The following AMZ1 variants were observed in gnomAD, a reference collection of about 807,000 sequenced individuals.
The protein encoded by AMZ1 is archaemetzincin-1.
In AMZ1, 39 loss-of-function variants were observed where a neutral mutation model predicts 29.9. The observed-to-expected ratio is 1.30, with a 90% CI of 1.01 to 1.70. The LOEUF (loss-of-function observed/expected upper bound fraction) is 1.70. Ranked by LOEUF, AMZ1 falls within the 40% of genes most tolerant of loss-of-function variation. AMZ1 has a pLI of 0.00. For synonymous variants in AMZ1, 458 were observed against 304.0 expected, an observed-to-expected ratio of 1.51 and a Z score of -5.27; for missense variants, 1,041 against 680.6, an observed-to-expected ratio of 1.53 and a Z score of -5.89.
At chr7:2,685,725 C>T (rs1361179950), upstream of AMZ1, among the ~76,000 whole-genome samples, 1 of 151,828 alleles carries the variant, frequency 6.6e-6, no homozygotes, top group African/African-American at 2.4e-5. Context: ...TGATGGCAGG[C>T]GCCTGTAGTC....
chr7:2,735,403 G>T (rs1400138179), intron 4 of AMZ1, among the ~76,000 whole-genome samples: 1 of 152,202 alleles, frequency 6.6e-6, no homozygotes, highest in Non-Finnish European at 1.5e-5. Flanking sequence ...GAGTCACAGT[G>T]GCACAGATGC....
chr7:2,695,835 AC>A (rs1210821133), intron 1 of AMZ1, among the ~76,000 whole-genome samples: 2 of 152,094 alleles, frequency 1.3e-5, no homozygotes, highest in Non-Finnish European at 2.9e-5. Flanking sequence ...ACATGGTGAA[AC>A]CCCGTCTCTA....
At chr7:2,720,320 C>T (rs915504233), downstream of AMZ1, among the ~76,000 whole-genome samples, 4 of 152,212 alleles carry the variant, frequency 2.6e-5, no homozygotes, top group African/African-American at 9.7e-5. Flanking sequence ...TCCATGTCTC[C>T]CCACGTCAGG....
chr7:2,763,193 C>CAG (rs1554258129), upstream of AMZ1: 1 of 93,016 alleles, frequency 1.1e-5, no homozygotes. Context: ...GACACCCCAA[C>CAG]ACACACACAC....
At chr7:2,706,470 A>G (rs547591866) in intron 3 of AMZ1, among the ~76,000 whole-genome samples, 2 of 152,344 alleles carry the variant, frequency 1.3e-5, no homozygotes, top group South Asian at 4.1e-4. Context: ...TTCTTGTCTC[A>G]CATCGCTGGA....
intron 3 of AMZ1, among the ~76,000 whole-genome samples, chr7:2,708,218 T>C (rs34774255): frequency 0.37 from 56,491 of 152,048 alleles, 10,981 homozygotes; most frequent in East Asian, 0.66. Flanking sequence ...CCCCTTTGGC[T>C]GTGGGGACTC....
At position 2,700,511 on chromosome 7, in the gene AMZ1, T is replaced by C. The variant is rs756272986; in HGVS notation, c.60T>C (p.Ala20=). The C allele has an allele frequency of 1.2e-6, 2 of 1,606,916 alleles. No homozygotes were observed. The highest frequency in any genetic ancestry group is 1.7e-6 in the Non-Finnish European group (2 of 1,179,898). ...TCGGGCCCCGGGCCTTGAAGGACGC[T>C]CTGGTCTCCACTGACGCAGCCCTGC... ...FSFGPRALKD[A]LVSTDAALQQ... The change falls in exon 2 of 7, where the codon GCT becomes GCC. Residue 20 remains alanine, a synonymous_variant. Coordinates refer to ENST00000683327, the MANE Select transcript of AMZ1 (RefSeq NM_001384743.1).
At position 2,717,336 on chromosome 7, in the gene AMZ1, C is replaced by T. The variant is rs561539376; in HGVS notation, c.*4458C>T. Among the ~76,000 whole-genome samples the T allele has an allele frequency of 7.2e-5, 11 of 152,360 alleles. No homozygotes were observed. The South Asian group carries it at 2.3e-3, about 32-fold the overall frequency. ...ATAGACCTGAACTGGGTCTGCCTGC[C>T]TGTGTGCTGGAAGCAAACGACGGCC... On this transcript the variant is annotated 3_prime_UTR_variant, in exon 7 of 7. Coordinates refer to ENST00000683327, the MANE Select transcript of AMZ1 (RefSeq NM_001384743.1).
At chr7:2,711,193 G>A (rs967750030) in intron 6 of AMZ1, among the ~76,000 whole-genome samples, 2 of 152,220 alleles carry the variant, frequency 1.3e-5, no homozygotes, top group African/African-American at 4.8e-5. Context: ...GCACTCCAGG[G>A]TGGCCTGGCC....
intron 4 of AMZ1, among the ~76,000 whole-genome samples, chr7:2,743,653 C>G (rs910850662): frequency 6.6e-6 from 1 of 152,120 alleles, no homozygotes; most frequent in Admixed American, 6.6e-5. Context: ...ACTGAGGTAC[C>G]GGGTTCATCT....
At chr7:2,743,433 C>T (rs1312090506) in intron 4 of AMZ1, among the ~76,000 whole-genome samples, 1 of 152,168 alleles carries the variant, frequency 6.6e-6, no homozygotes, top group Non-Finnish European at 1.5e-5. Flanking sequence ...GTTATCAACT[C>T]AAATATCCCA....
chr7:2,749,164 T>C (rs1583231884), intron 4 of AMZ1, among the ~76,000 whole-genome samples: 2 of 151,024 alleles, frequency 1.3e-5, no homozygotes, highest in South Asian at 2.1e-4. Flanking sequence ...TTACTGGGTA[T>C]ATACCCAAAG....
upstream of AMZ1, among the ~76,000 whole-genome samples, chr7:2,688,013 C>T (rs1188406943): frequency 6.6e-6 from 1 of 152,216 alleles, no homozygotes; most frequent in African/African-American, 2.4e-5. Flanking sequence ...CTGGGGCCCC[C>T]CTGCCCGGGT....
intron 4 of AMZ1, among the ~76,000 whole-genome samples, chr7:2,747,044 A>G (rs551050297): frequency 6.6e-6 from 1 of 152,352 alleles, no homozygotes; most frequent in South Asian, 2.1e-4. Context: ...ACCAACCAAA[A>G]AAAGTCCAGG....
At chr7:2,737,264 G>GT (rs201866976) in intron 4 of AMZ1, among the ~76,000 whole-genome samples, 60 of 52,476 alleles carry the variant, frequency 1.1e-3, no homozygotes, top group Non-Finnish European at 1.9e-3. Context: ...CTATCTCACA[G>GT]TTTTGTTTTG....
chr7:2,756,653 T>C (rs1325358165), intron 4 of AMZ1, among the ~76,000 whole-genome samples: 1 of 152,148 alleles, frequency 6.6e-6, no homozygotes, highest in African/African-American at 2.4e-5. Flanking sequence ...ATCTGTGTGA[T>C]CTTGGGTTAG....
rs1789910095 is a variant in AMZ1, at chr7:2,731,788, GAAGA to G, written n.550+21978_550+21981del. On this transcript the variant is annotated intron_variant and non_coding_transcript_variant, in intron 4 of 4. Transcript: ENST00000489665. This position sits in a 1 kb window ranked among gnomAD's most constrained non-coding sequence, Gnocchi z 6.0. ...GGATGAGGCAGAAATTTAGGGGGAG[GAAGA>G]AAGAACAGAGAAAATAGAAACAAAA... is the stretch of plus-strand genomic sequence containing the variant. 1 of 1,087,602 alleles carries G rather than the reference GAAGA, an allele frequency of 9.2e-7. No individual in the cohort carries two copies. Among genetic ancestry groups the G allele is most frequent in the African/African-American group, 1.6e-5 (1 of 64,218 alleles). The allele number at this position is 1,087,602 out of a possible 1,614,324, so 67.4% of individuals were successfully genotyped here. A position where few individuals can be genotyped will look rare whatever the true frequency, so the allele number is the denominator to read the frequency against.
intron 4 of AMZ1, among the ~76,000 whole-genome samples, chr7:2,745,209 C>A (rs1000618292): frequency 2.6e-5 from 4 of 152,144 alleles, no homozygotes; most frequent in Non-Finnish European, 5.9e-5. Flanking sequence ...CTCCAAGACA[C>A]ATAATTGTCA....
intron 1 of AMZ1, among the ~76,000 whole-genome samples, chr7:2,692,826 C>T (rs576105013): frequency 7.7e-4 from 117 of 152,310 alleles, no homozygotes; most frequent in African/African-American, 2.7e-3. Context: ...GGCTCCTGCG[C>T]GATGTGTCCC....
Sources: allele counts gnomAD v4.1 joint callset (sites outside exome capture counted in the v4.1 genomes callset), GRCh38; gene constraint gnomAD v4.1.1; non-coding constraint Gnocchi (gnomAD v3.1); transcripts MANE v1.5; gene names NCBI Gene and HGNC (gene_info 2026-07-23, HGNC 2026-07-21).